FAM168B: variants seen among roughly 807,000 people sequenced by gnomAD.
The protein encoded by FAM168B is family with sequence similarity 168 member B.
FAM168B carries 19 observed loss-of-function variants against 21.8 expected under a neutral mutation model. The ratio of observed to expected loss-of-function variants is 0.87; its 90% CI spans 0.61 to 1.28. The LOEUF is 1.28. FAM168B is among the 50% of genes most tolerant of loss of function. The pLI is 0.00. For missense variants in FAM168B, 233 were observed against 263.1 expected (o/e 0.89, Z 0.79); for synonymous variants, 126 against 104.8 (o/e 1.20, Z -1.24).
rs1229913370 is a variant in FAM168B at position 131,048,248 on chromosome 2, C to T, written c.*4217G>A. The T allele has an allele frequency of 7.7e-7, 1 of 1,304,084 alleles. No individual in the cohort carries two copies. The highest frequency in any genetic ancestry group is 1.0e-6 in the Non-Finnish European group (1 of 988,822). The allele number at this position is 1,304,084 out of a possible 1,614,324, so 80.8% of individuals were successfully genotyped here. A position where few individuals can be genotyped will look rare whatever the true frequency, so the allele number is the denominator to read the frequency against. ...GGCTCTCTAGGGCCTCTCCGTGTGG[C>T]CAGCACAGCAACCCTGCTAGGAGCA... is the stretch of plus-strand genomic sequence containing the variant. On this transcript the variant is annotated 3_prime_UTR_variant, in exon 7 of 7. Transcript: ENST00000389915.
intron 3 of FAM168B, among the ~76,000 whole-genome samples, chr2:131,069,683 G>A (rs574489170): frequency 8.4e-4 from 128 of 151,864 alleles, no homozygotes; most frequent in Admixed American, 2.6e-3. Flanking sequence ...TTAGTAGAGA[G>A]GGGGTTTCAC....
rs1401219385 is a variant in FAM168B, at chr2:131,051,343, T to C, written c.*1122A>G. ...TTTCTACAAGAAATTGGAGGAATTT[T>C]AAATAAAGTTTTGTTCCCTTTTAAC... On this transcript the variant is annotated 3_prime_UTR_variant, in exon 7 of 7. Coordinates refer to ENST00000389915, the MANE Select transcript of FAM168B (RefSeq NM_001009993.4). 2.0e-6 allele frequency: 2 copies of C among 985,316 alleles called. No individual in the cohort carries two copies. Among genetic ancestry groups the C allele is most frequent in the Non-Finnish European group, 2.4e-6 (2 of 829,952 alleles). The allele number at this position is 985,316 out of a possible 1,614,324, so 61.0% of individuals were successfully genotyped here.
intron 2 of FAM168B, among the ~76,000 whole-genome samples, chr2:131,080,604 C>G (rs1693384524): frequency 6.7e-6 from 1 of 148,858 alleles, no homozygotes; most frequent in African/African-American, 2.5e-5. Flanking sequence ...GGCAACAGGG[C>G]AAGACGGTCT....
intron 3 of FAM168B, among the ~76,000 whole-genome samples, chr2:131,070,309 C>A (rs1207382691): frequency 6.6e-6 from 1 of 152,196 alleles, no homozygotes; most frequent in Non-Finnish European, 1.5e-5. Context: ...AAATTCTTCA[C>A]CAAAGACATA....
At position 131,049,432 on chromosome 2, in the gene FAM168B, TCAC is replaced by T. The variant is rs1351442270; in HGVS notation, c.*3030_*3032del. The T allele has an allele frequency of 2.0e-6, 2 of 985,216 alleles. No homozygotes were observed. Among genetic ancestry groups the T allele is most frequent in the Non-Finnish European group, 2.4e-6 (2 of 829,938 alleles). 61.0% of individuals were successfully genotyped at this position (985,216 alleles called of 1,614,324 possible). ...AAGAAGAACGTTCTTAACAGATGGC[TCAC>T]GAGAGACATAAAAGGTTCTGGAAGT... is the stretch of plus-strand genomic sequence containing the variant. On this transcript the variant is annotated 3_prime_UTR_variant, in exon 7 of 7. Transcript: ENST00000389915.
intron 3 of FAM168B, among the ~76,000 whole-genome samples, chr2:131,069,858 A>G (rs183975328): frequency 1.4e-5 from 2 of 145,150 alleles, no homozygotes; most frequent in African/African-American, 5.1e-5. Flanking sequence ...ACCCTCATCA[A>G]ACTTTTTTTT....
chr2:131,073,113 GAC>G (rs933856441), intron 2 of FAM168B, among the ~76,000 whole-genome samples: 1 of 150,710 alleles, frequency 6.6e-6, no homozygotes, highest in African/African-American at 2.4e-5. Context: ...TTTTTTCTAA[GAC>G]AGAGTCTTGC....
intron 3 of FAM168B, among the ~76,000 whole-genome samples, chr2:131,064,571 C>G (rs768678593): frequency 6.6e-6 from 1 of 152,186 alleles, no homozygotes; most frequent in East Asian, 1.9e-4. Context: ...ATCCAGACAA[C>G]CATCAACGAA....
intron 3 of FAM168B, among the ~76,000 whole-genome samples, chr2:131,064,888 C>G (rs144697773): frequency 6.6e-6 from 1 of 152,130 alleles, no homozygotes; most frequent in African/African-American, 2.4e-5. Flanking sequence ...CTCAACACAT[C>G]GGGGGTAGCT....
In FAM168B at chr2:131,051,152, AG is replaced by A; in HGVS notation, c.*1312del. The A allele has an allele frequency of 1.0e-6, 1 of 985,318 alleles. No homozygotes were observed. Among genetic ancestry groups the A allele is most frequent in the Non-Finnish European group, 1.2e-6 (1 of 829,934 alleles). The allele number at this position is 985,318 out of a possible 1,614,324, so 61.0% of individuals were successfully genotyped here. A position where few individuals can be genotyped will look rare whatever the true frequency, so the allele number is the denominator to read the frequency against. ...TGTGCCAAGTGCCCTCAGCTGCAAA[AG>A]AGATGGCAGGAGAGGCTCGCAGACA... On this transcript the variant is annotated 3_prime_UTR_variant, in exon 7 of 7. Coordinates refer to ENST00000389915, the MANE Select transcript of FAM168B (RefSeq NM_001009993.4).
At chr2:131,055,028 A>T (rs1395308882) in intron 5 of FAM168B, among the ~76,000 whole-genome samples, 2 of 152,196 alleles carry the variant, frequency 1.3e-5, no homozygotes, top group African/African-American at 4.8e-5. Flanking sequence ...CACATCCTGC[A>T]TTGCCAAATG....
Position 131,093,361 on chromosome 2 carries a change from C to A in FAM168B, c.-159G>T. The A allele has an allele frequency of 6.6e-6, 1 of 150,770 alleles. No individual in the cohort carries two copies. Among genetic ancestry groups the A allele is most frequent in the South Asian group, 2.0e-4 (1 of 4,936 alleles). The allele number at this position is 150,770 out of a possible 1,614,324, so 9.3% of individuals were successfully genotyped here. On this transcript the variant is annotated 5_prime_UTR_variant, in exon 1 of 7. Transcript: ENST00000389915. ...CGAGCCCCGCGTCTCCGCCGCCTCC[C>A]GGACGCCGCGCTCCCGCTCGCTCGG...
At chr2:131,071,769 A>C in intron 3 of FAM168B, 86 bp downstream of exon 3, 1 of 1,204,298 alleles carries the variant, frequency 8.3e-7, no homozygotes, top group South Asian at 1.2e-5. Context: ...CCAAGTCCTA[A>C]TTCTATACCC....
intron 2 of FAM168B, among the ~76,000 whole-genome samples, chr2:131,080,783 C>T (rs1693393436): frequency 6.6e-6 from 1 of 151,618 alleles, no homozygotes; most frequent in African/African-American, 2.4e-5. Context: ...CATTCTCCTG[C>T]CTCAGCATCC....
intron 5 of FAM168B, 109 bp from the exon 6 acceptor site, chr2:131,053,124 G>C: frequency 7.1e-7 from 1 of 1,399,102 alleles, no homozygotes; most frequent in South Asian, 1.6e-5. Context: ...TATACAGGAA[G>C]AGGGATAGTC....
chr2:131,080,292 G>A (rs2105560608), intron 2 of FAM168B, among the ~76,000 whole-genome samples: 1 of 150,196 alleles, frequency 6.7e-6, no homozygotes, highest in South Asian at 2.1e-4. Context: ...TTTTGAGACA[G>A]AGTCTCGCTC....
At chr2:131,079,195 G>A (rs1425605844) in intron 2 of FAM168B, among the ~76,000 whole-genome samples, 4 of 151,338 alleles carry the variant, frequency 2.6e-5, no homozygotes, top group Admixed American at 1.3e-4. Flanking sequence ...AAAACACACA[G>A]GGCCGGGCAC....
rs1691492334 is a variant in FAM168B, at chr2:131,049,169, C to T, written c.*3296G>A. On this transcript the variant is annotated 3_prime_UTR_variant, in exon 7 of 7. Coordinates refer to ENST00000389915, the MANE Select transcript of FAM168B (RefSeq NM_001009993.4). ...GTTGCTGTAATAATGTATTTCCTCT[C>T]GTTACTGTTGTGTCCCCCAAGACAC... The T allele has an allele frequency of 8.1e-6, 8 of 985,422 alleles. No homozygotes were observed. The highest frequency in any genetic ancestry group is 1.7e-5 in the African/African-American group (1 of 57,352). The allele number at this position is 985,422 out of a possible 1,614,324, so 61.0% of individuals were successfully genotyped here. A position where few individuals can be genotyped will look rare whatever the true frequency, so the allele number is the denominator to read the frequency against.
intron 1 of FAM168B, among the ~76,000 whole-genome samples, chr2:131,090,720 T>A (rs1336582278): frequency 6.6e-6 from 1 of 152,080 alleles, no homozygotes; most frequent in Non-Finnish European, 1.5e-5. Flanking sequence ...AACATATATA[T>A]GTATAATATA....
Sources: allele counts gnomAD v4.1 joint callset (sites outside exome capture counted in the v4.1 genomes callset), GRCh38; gene constraint gnomAD v4.1.1; transcripts MANE v1.5; gene names NCBI Gene and HGNC (gene_info 2026-07-23, HGNC 2026-07-21).